The following MBD5 variants were observed in gnomAD, a reference collection of about 807,000 sequenced individuals.
MBD5 encodes the protein methyl-CpG binding domain protein 5.
Under a neutral mutation model 117.3 loss-of-function variants are expected in MBD5, and 13 were observed. That is an observed-to-expected ratio of 0.11 (90% confidence interval 0.07 to 0.18). The LOEUF (loss-of-function observed/expected upper bound fraction) is 0.18. Among genes scored for constraint, MBD5 ranks in the 10% least tolerant of loss-of-function variants. The probability of loss-of-function intolerance (pLI) is 1.00; values close to 1 mark genes in which losing one functional copy is unlikely to be tolerated. For missense variants in MBD5, 1,879 were observed against 2,093.8 expected (o/e 0.90, Z 2.00); for synonymous variants, 727 against 766.4 (o/e 0.95, Z 0.85).
At chr2:148,325,104 T>G (rs1421748796) in intron 3 of MBD5, among the ~76,000 whole-genome samples, 2 of 152,262 alleles carry the variant, frequency 1.3e-5, no homozygotes, top group Non-Finnish European at 2.9e-5. Flanking sequence ...ATGTGGTTTT[T>G]GTCTTTGGTT....
intron 11 of MBD5, among the ~76,000 whole-genome samples, chr2:148,501,281 C>T (rs1472509354): frequency 2.6e-5 from 4 of 152,230 alleles, no homozygotes; most frequent in African/African-American, 9.6e-5. Context: ...GACACAAAGA[C>T]AAAAGTTGAT....
intron 11 of MBD5, among the ~76,000 whole-genome samples, chr2:148,492,107 T>C (rs1681544835): frequency 6.6e-6 from 1 of 151,876 alleles, no homozygotes; most frequent in Non-Finnish European, 1.5e-5. Context: ...GTCTAGATCT[T>C]CTGATTAATC....
intron 4 of MBD5, among the ~76,000 whole-genome samples, chr2:148,357,249 A>G (rs749537647): frequency 6.6e-6 from 1 of 152,176 alleles, no homozygotes; most frequent in Non-Finnish European, 1.5e-5. Flanking sequence ...TCATGTTGAA[A>G]GTTATAGAAA....
At chr2:148,476,449 A>G (rs1680967424) in intron 8 of MBD5, among the ~76,000 whole-genome samples, 1 of 152,098 alleles carries the variant, frequency 6.6e-6, no homozygotes, top group Non-Finnish European at 1.5e-5. Flanking sequence ...ATCTTATTCT[A>G]TTTGGTATTT....
At chr2:148,295,265 C>G (rs1269607133) in intron 3 of MBD5, among the ~76,000 whole-genome samples, 1 of 152,154 alleles carries the variant, frequency 6.6e-6, no homozygotes, top group African/African-American at 2.4e-5. Flanking sequence ...ATTACATAAT[C>G]TCTATCAATC....
intron 3 of MBD5, among the ~76,000 whole-genome samples, chr2:148,266,300 G>T (rs1314687867): frequency 3.9e-5 from 6 of 151,910 alleles, no homozygotes; most frequent in African/African-American, 7.2e-5. Context: ...AAACCATATG[G>T]TCATCCCAAT....
At chr2:148,190,936 A>G (rs374900225) in intron 2 of MBD5, among the ~76,000 whole-genome samples, 2 of 142,860 alleles carry the variant, frequency 1.4e-5, no homozygotes, top group African/African-American at 2.6e-5. Flanking sequence ...TGGAAAACAA[A>G]AAAAGGCAGG....
chr2:148,138,502 T>C (rs534131420), intron 1 of MBD5, among the ~76,000 whole-genome samples: 4 of 152,214 alleles, frequency 2.6e-5, no homozygotes, highest in South Asian at 2.1e-4. Flanking sequence ...GCAGGTACCA[T>C]GATGTGACTT....
chr2:148,148,992 G>C (rs1471452712), intron 1 of MBD5, among the ~76,000 whole-genome samples: 1 of 151,936 alleles, frequency 6.6e-6, no homozygotes, highest in Admixed American at 6.6e-5. Flanking sequence ...ACATTGTGCA[G>C]GTTACTTACA....
chr2:148,299,081 A>G (rs1701720920), intron 3 of MBD5, among the ~76,000 whole-genome samples: 2 of 151,964 alleles, frequency 1.3e-5, no homozygotes, highest in Non-Finnish European at 2.9e-5. Context: ...GTTTCTTCCT[A>G]GAACCTCCCA....
rs958469526 is a variant in MBD5 at position 148,151,684 on chromosome 2, T to C, written c.-924-27016T>C. On this transcript the variant is annotated intron_variant, in intron 1 of 13. Coordinates refer to ENST00000642680, the MANE Select transcript of MBD5 (RefSeq NM_001378120.1). The stretch of plus-strand genomic sequence containing the variant: ...TTTAGTCTTGGGAGAGTGTATGTGT[T>C]GAGGAATTTATCCATTTCTTCTAGA... 2.2e-4 allele frequency among the ~76,000 whole-genome samples: 34 copies of C among 152,204 alleles called. 1 individual carries two copies. The highest frequency in any genetic ancestry group is 7.2e-4 in the African/African-American group (30 of 41,530).
At chr2:148,062,934 C>T (rs115508064) in intron 1 of MBD5, among the ~76,000 whole-genome samples, 4,227 of 152,158 alleles carry the variant, frequency 0.028, 88 homozygotes, top group Non-Finnish European at 0.046. Context: ...TAAAGTACAA[C>T]CAAGACGAAA....
intron 4 of MBD5, among the ~76,000 whole-genome samples, chr2:148,378,309 A>T (rs1406821920): frequency 1.3e-5 from 2 of 152,182 alleles, no homozygotes; most frequent in African/African-American, 2.4e-5. Context: ...AGTTGGCCTG[A>T]GTCATATTGC....
intron 1 of MBD5, among the ~76,000 whole-genome samples, chr2:148,131,016 T>C (rs951559507): frequency 2.6e-5 from 4 of 152,072 alleles, no homozygotes; most frequent in African/African-American, 9.7e-5. Flanking sequence ...GAAAGAGGAG[T>C]TCTTTGGCAT....
intron 4 of MBD5, among the ~76,000 whole-genome samples, chr2:148,348,226 C>T (rs1007940866): frequency 6.6e-6 from 1 of 151,868 alleles, no homozygotes; most frequent in Admixed American, 6.6e-5. Context: ...CTCCCCATAC[C>T]TTTTTGCACA....
chr2:148,308,228 C>T (rs1701940606), intron 3 of MBD5, among the ~76,000 whole-genome samples: 1 of 152,152 alleles, frequency 6.6e-6, no homozygotes, highest in African/African-American at 2.4e-5. Context: ...CTGTTTTCCA[C>T]AATGGTTGAA....
intron 2 of MBD5, among the ~76,000 whole-genome samples, chr2:148,227,485 G>A (rs968819211): frequency 6.6e-6 from 1 of 152,048 alleles, no homozygotes; most frequent in African/African-American, 2.4e-5. Context: ...CTCTGTTTTG[G>A]TACCAGTACC....
intron 4 of MBD5, among the ~76,000 whole-genome samples, chr2:148,426,597 A>G (rs1218804817): frequency 6.6e-6 from 1 of 152,196 alleles, no homozygotes; most frequent in Non-Finnish European, 1.5e-5. Context: ...CTGGCTAGCC[A>G]TATGTAGAAA....
chr2:148,468,441 T>C lies in MBD5; in HGVS notation c.498T>C (p.Asn166=). The change falls in exon 8 of 14, where the codon AAT becomes AAC. Residue 166 remains asparagine, a synonymous_variant. Transcript: ENST00000642680. ...ATTCTGTAATGCCTGAATGTAAGAA[T>C]CCTTTCAAGTTAATGATTGGATCAT... ...ITNSVMPECK[N]PFKLMIGSSN... The C allele has an allele frequency of 6.2e-7, 1 of 1,613,788 alleles. No individual in the cohort carries two copies. Among genetic ancestry groups the C allele is most frequent in the Non-Finnish European group, 8.5e-7 (1 of 1,179,816 alleles).
Sources: gnomAD v4.1 joint callset for allele counts (sites outside exome capture counted in the v4.1 genomes callset) on GRCh38, gnomAD v4.1.1 for gene constraint, MANE v1.5 for transcripts, NCBI Gene and HGNC (gene_info 2026-07-23, HGNC 2026-07-21) for gene names.